ZBTB5: variants seen among roughly 807,000 people sequenced by gnomAD.
ZBTB5 encodes zinc finger and BTB domain containing 5, also known as zinc finger and BTB domain-containing protein 5.
ZBTB5 carries 15 observed loss-of-function variants against 37.9 expected under a neutral mutation model. That is an observed-to-expected ratio of 0.40 (90% CI 0.26 to 0.61). The LOEUF (loss-of-function observed/expected upper bound fraction) is 0.61, where lower values mean the gene tolerates loss of function less well. ZBTB5 is among the 20% of genes least tolerant of loss of function. ZBTB5 has a pLI of 0.47. For missense variants in ZBTB5, 708 were observed against 856.8 expected, an observed-to-expected ratio of 0.83 and a Z score of 2.17; for synonymous variants, 315 against 312.4, an observed-to-expected ratio of 1.01 and a Z score of -0.09.
intron 1 of ZBTB5, among the ~76,000 whole-genome samples, chr9:37,459,984 A>G (rs1824260940): frequency 7.7e-6 from 1 of 130,074 alleles, no homozygotes; most frequent in Non-Finnish European, 1.6e-5. Flanking sequence ...TGCTGGGATT[A>G]CAGGCGTGAG....
In ZBTB5 at chr9:37,441,867, G is replaced by A. The variant is rs147337855; in HGVS notation, c.685C>T (p.Arg229Trp). 5.6e-6 allele frequency: 9 copies of A among 1,613,982 alleles called. No individual in the cohort carries two copies. Among genetic ancestry groups the A allele is most frequent in the Non-Finnish European group, 6.8e-6 (8 of 1,180,020 alleles). The change falls in exon 2 of 2, where the codon CGG becomes TGG. Residue 229 changes from arginine (R) to tryptophan (W), a missense_variant. This residue lies in a region of ZBTB5 where 639 missense variants were observed against 690.5 expected (regional missense o/e 0.93). Transcript: ENST00000307750. ...GAATCTGGTGAAAAGAACTCCTCCC[G>A]AGAATGAACCCCTGAAGGCCCATTC... ...PENGPSGVHS[R>W]EEFFSPDSLK...
intron 1 of ZBTB5, among the ~76,000 whole-genome samples, chr9:37,454,326 A>C (rs1308453012): frequency 1.3e-5 from 2 of 152,156 alleles, no homozygotes. Context: ...AGGCTGAGTA[A>C]ATTAAGAGTT....
In ZBTB5 at chr9:37,451,524, C is replaced by T. The variant is rs555444632; in HGVS notation, c.-4-8969G>A. On this transcript the variant is annotated intron_variant, in intron 1 of 1. Transcript: ENST00000307750. ...ACTGAGCCAAGGTAGTGCCACTGCA[C>T]TCCAGCCTGGGTGACAGAGTGAGAC... Among the ~76,000 whole-genome samples the T allele has an allele frequency of 1.6e-4, 21 of 133,740 alleles. No individual in the cohort carries two copies. In the South Asian group the frequency reaches 4.9e-3, roughly 31 times the overall value. The allele number at this position is 133,740 out of a possible 152,430, so 87.7% of individuals were successfully genotyped here.
In ZBTB5 at chr9:37,439,372, A is replaced by ATGTT. The variant is rs1327328227; in HGVS notation, c.*1142_*1145dup. On this transcript the variant is annotated 3_prime_UTR_variant, in exon 2 of 2. Coordinates refer to ENST00000307750, the MANE Select transcript of ZBTB5 (RefSeq NM_014872.3). ...AAAATATTTACCCATGAACACTACC[A>ATGTT]TGTTTGGATTTCAAACAACTTTAAA... 1 of 152,230 alleles carries ATGTT rather than the reference A, an allele frequency of 6.6e-6. No homozygotes were observed. The highest frequency in any genetic ancestry group is 2.4e-5 in the African/African-American group (1 of 41,452). The allele number at this position is 152,230 out of a possible 1,614,324, so 9.4% of individuals were successfully genotyped here.
At chr9:37,462,639 A>G (rs1824315761) in intron 1 of ZBTB5, among the ~76,000 whole-genome samples, 1 of 151,380 alleles carries the variant, frequency 6.6e-6, no homozygotes, top group African/African-American at 2.4e-5. Flanking sequence ...TCTCAGCTCA[A>G]TGCAACTTCT....
At chr9:37,463,212 A>G (rs1824325316) in intron 1 of ZBTB5, among the ~76,000 whole-genome samples, 1 of 152,214 alleles carries the variant, frequency 6.6e-6, no homozygotes, top group Admixed American at 6.5e-5. Context: ...TCACTCAGAA[A>G]CAGCTGGTCT....
In ZBTB5 at chr9:37,462,712, C is replaced by T. The variant is rs536507021; in HGVS notation, c.-5+2503G>A. Among the ~76,000 whole-genome samples, 12 of 152,092 alleles carry T rather than the reference C, an allele frequency of 7.9e-5. No individual in the cohort carries two copies. In the East Asian group the frequency reaches 2.3e-3, roughly 29 times the overall value. The stretch of plus-strand genomic sequence containing the variant: ...CTGAGTAGCTGGGATTACAGGCGCA[C>T]GTCACCATGCCGGGTTAATTTTTGT... On this transcript the variant is annotated intron_variant, in intron 1 of 1. Transcript: ENST00000307750.
chr9:37,444,776 A>AC (rs1487683446), intron 1 of ZBTB5, among the ~76,000 whole-genome samples: 1 of 152,202 alleles, frequency 6.6e-6, no homozygotes, highest in Non-Finnish European at 1.5e-5. Context: ...ATAAGAACCC[A>AC]AAGGTTTATC....
At chr9:37,445,973 T>A (rs1220480387) in intron 1 of ZBTB5, among the ~76,000 whole-genome samples, 2 of 151,832 alleles carry the variant, frequency 1.3e-5, no homozygotes, top group Non-Finnish European at 2.9e-5. Flanking sequence ...TGGTGGCGAG[T>A]GCCTGCCATG....
chr9:37,442,528 T>C lies in ZBTB5; in HGVS notation c.24A>G (p.Glu8=). 1.2e-6 allele frequency: 2 copies of C among 1,604,642 alleles called. No homozygotes were observed. Among genetic ancestry groups the C allele is most frequent in the East Asian group, 2.2e-5 (1 of 44,634 alleles). The change falls in exon 2 of 2, where the codon GAA becomes GAG. Residue 8 remains glutamate, a synonymous_variant. Coordinates refer to ENST00000307750, the MANE Select transcript of ZBTB5 (RefSeq NM_014872.3). MDFPGHF[E]QIFQQLNYQR... The stretch of plus-strand genomic sequence containing the variant: ...GGTAGTTCAGCTGCTGGAAGATTTG[T>C]TCAAAGTGACCAGGAAAATCCATGA...
At position 37,464,420 on chromosome 9, in the gene ZBTB5, T is replaced by A. The variant is rs538517629; in HGVS notation, c.-5+795A>T. ...CTTTACTGTGCTTTCACCTAAAATT[T>A]TTCCTCCAAATTATTTAGGATTTGC... On this transcript the variant is annotated intron_variant, in intron 1 of 1. Coordinates refer to ENST00000307750, the MANE Select transcript of ZBTB5 (RefSeq NM_014872.3). 7.2e-5 allele frequency among the ~76,000 whole-genome samples: 11 copies of A among 152,358 alleles called. No individual in the cohort carries two copies. In the East Asian group the frequency reaches 2.1e-3, roughly 29 times the overall value.
intron 1 of ZBTB5, among the ~76,000 whole-genome samples, chr9:37,452,146 G>A (rs75758970): frequency 0.095 from 14,504 of 152,226 alleles, 1,018 homozygotes; most frequent in Admixed American, 0.15. Context: ...GCACAGGAAT[G>A]AACAAGAACA....
intron 1 of ZBTB5, among the ~76,000 whole-genome samples, chr9:37,443,648 C>G (rs539342078): frequency 6.6e-6 from 1 of 152,170 alleles, no homozygotes; most frequent in East Asian, 1.9e-4. Flanking sequence ...CAAAAAAACA[C>G]CAGGATGTGG....
intron 1 of ZBTB5, among the ~76,000 whole-genome samples, chr9:37,452,742 G>C (rs1259591240): frequency 2.0e-5 from 3 of 152,176 alleles, no homozygotes; most frequent in African/African-American, 7.2e-5. Flanking sequence ...TCAAGGCAAA[G>C]GTGCTGGTCT....
intron 1 of ZBTB5, among the ~76,000 whole-genome samples, chr9:37,454,387 G>C (rs1163309347): frequency 6.6e-6 from 1 of 152,136 alleles, no homozygotes; most frequent in Non-Finnish European, 1.5e-5. Flanking sequence ...AAAGGCTTCA[G>C]GTCTCTTTAA....
chr9:37,449,892 T>C (rs958283780), intron 1 of ZBTB5, among the ~76,000 whole-genome samples: 7 of 152,028 alleles, frequency 4.6e-5, no homozygotes, highest in African/African-American at 1.7e-4. Context: ...GTGCCAATCA[T>C]GTTCAAAATG....
At chr9:37,461,381 T>C (rs528188799) in intron 1 of ZBTB5, among the ~76,000 whole-genome samples, 1 of 152,262 alleles carries the variant, frequency 6.6e-6, no homozygotes, top group South Asian at 2.1e-4. Flanking sequence ...GTCAACAATA[T>C]CATGCATAGA....
rs1480279078 is a variant in ZBTB5, at chr9:37,464,989, C to A, written c.-5+226G>T. 5.3e-5 allele frequency among the ~76,000 whole-genome samples: 8 copies of A among 152,334 alleles called. No homozygotes were observed. The East Asian group carries it at 1.5e-3, about 29-fold the overall frequency. On this transcript the variant is annotated intron_variant, in intron 1 of 1. Coordinates refer to ENST00000307750, the MANE Select transcript of ZBTB5 (RefSeq NM_014872.3). ...AGGAGTACCAGCCCCCGCCCCACCC[C>A]GCAGACAGCCTGGCGTCGGGACACC...
chr9:37,453,757 T>G (rs1347122527), intron 1 of ZBTB5, among the ~76,000 whole-genome samples: 4 of 152,120 alleles, frequency 2.6e-5, no homozygotes, highest in Non-Finnish European at 5.9e-5. Flanking sequence ...TTTCAGACAA[T>G]CACTTGGGTA....
Sources: gnomAD v4.1 joint callset for allele counts (sites outside exome capture counted in the v4.1 genomes callset) on GRCh38, gnomAD v4.1.1 for gene constraint, gnomAD v4.1.1 regional missense constraint, MANE v1.5 for transcripts, NCBI Gene and HGNC (gene_info 2026-07-23, HGNC 2026-07-21) for gene names.